NPTXR: variants seen among roughly 807,000 people sequenced by gnomAD.
NPTXR encodes neuronal pentraxin receptor.
In NPTXR, 12 loss-of-function variants were observed where a neutral mutation model predicts 32.2. That is an observed-to-expected ratio of 0.37 (90% CI 0.24 to 0.60). The LOEUF (loss-of-function observed/expected upper bound fraction) is 0.60. Ranked by LOEUF, NPTXR falls within the 20% of genes least tolerant of loss-of-function variation. The probability of loss-of-function intolerance (pLI) is 0.66; values close to 1 mark genes in which losing one functional copy is unlikely to be tolerated. For synonymous variants in NPTXR, 323 were observed against 315.8 expected, an observed-to-expected ratio of 1.02 and a Z score of -0.24; for missense variants, 612 against 682.9, an observed-to-expected ratio of 0.90 and a Z score of 1.16.
chr22:38,841,017 T>G (rs1345054243), intron 1 of NPTXR, among the ~76,000 whole-genome samples: 2 of 152,154 alleles, frequency 1.3e-5, no homozygotes, highest in African/African-American at 2.4e-5. Flanking sequence ...AAGAGCACCT[T>G]CAGTGTATCC....
intron 3 of NPTXR, 64 bp from the exon 4 acceptor site, chr22:38,823,326 C>A (rs1464105006): frequency 6.0e-6 from 9 of 1,510,190 alleles, no homozygotes; most frequent in Non-Finnish European, 7.2e-6. Flanking sequence ...ATGGCTGAGG[C>A]AGTGGGGTGG....
intron 1 of NPTXR, among the ~76,000 whole-genome samples, chr22:38,840,636 T>A (rs890052857): frequency 2.6e-5 from 4 of 152,012 alleles, no homozygotes; most frequent in Non-Finnish European, 5.9e-5. Context: ...AGGGGGCTGA[T>A]GGGACAACCA....
intron 2 of NPTXR, among the ~76,000 whole-genome samples, chr22:38,826,985 G>A (rs905869095): frequency 5.3e-5 from 8 of 152,168 alleles, no homozygotes; most frequent in East Asian, 1.9e-4. Context: ...CCACGTGACC[G>A]TCAACAAATT....
At chr22:38,838,039 T>C (rs538830588) in intron 1 of NPTXR, among the ~76,000 whole-genome samples, 1 of 152,126 alleles carries the variant, frequency 6.6e-6, no homozygotes, top group East Asian at 1.9e-4. Context: ...TATTTTTAAG[T>C]AGAGACAGGG....
In NPTXR at chr22:38,825,905, C is replaced by T. The variant is rs1013976212; in HGVS notation, c.1098+595G>A. Among the ~76,000 whole-genome samples, 3 of 147,574 alleles carry T rather than the reference C, an allele frequency of 2.0e-5. No homozygotes were observed. In the Admixed American group the frequency reaches 2.1e-4, roughly 10 times the overall value. On this transcript the variant is annotated intron_variant, in intron 3 of 4. Transcript: ENST00000333039. ...TCGCCCAGGCTGGAGTGCAGTGGTG[C>T]GATCTTAGCTCACTGCAAGCTCTGC...
intron 2 of NPTXR, 116 bp from the exon 3 acceptor site, chr22:38,826,863 G>GGCACTGGGCA: frequency 8.3e-7 from 1 of 1,204,342 alleles, no homozygotes; most frequent in Non-Finnish European, 1.2e-6. Flanking sequence ...TGCATGCCCA[G>GGCACTGGGCA]TGCCTTCAGG....
At chr22:38,824,311 T>C (rs940847421) in intron 3 of NPTXR, among the ~76,000 whole-genome samples, 17 of 152,042 alleles carry the variant, frequency 1.1e-4, no homozygotes, top group African/African-American at 4.1e-4. Flanking sequence ...CAATTTAATG[T>C]AACATTCTCT....
rs1311718378 is a variant in NPTXR at position 38,828,402 on chromosome 22, C to G, written c.735G>C (p.Gln245His). ...CACGCTCCTTCTCCAGTGCCAGCAC[C>G]TGGGCCAGCAGCTGCCCCTCCAGCT... Residue 245 changes from glutamine to histidine, a missense_variant, in exon 2 of 5, where the codon CAG (glutamine) becomes CAC (histidine). Coordinates refer to ENST00000333039, the MANE Select transcript of NPTXR (RefSeq NM_014293.4). 1 of 1,612,658 alleles carries G rather than the reference C, an allele frequency of 6.2e-7. No homozygotes were observed. The highest frequency in any genetic ancestry group is 1.3e-5 in the African/African-American group (1 of 74,920).
rs1267229254 is a variant in NPTXR at position 38,843,591 on chromosome 22, G to C, written c.268C>G (p.Leu90Val). The change falls in exon 1 of 5, where the codon CTG becomes GTG. Residue 90 changes from leucine (L) to valine (V), a missense_variant. Transcript: ENST00000333039. The surrounding 1 kb of genome is among the most constrained non-coding windows in gnomAD (Gnocchi z 5.3). ...GGCGTGCACAGGAAGCGGCTGAACA[G>C]GGGCCCGGGCGGCAGCGGGTGCGCG... 2 of 1,197,472 alleles carry C rather than the reference G, an allele frequency of 1.7e-6. No homozygotes were observed. The highest frequency in any genetic ancestry group is 2.1e-6 in the Non-Finnish European group (2 of 966,492). The allele number at this position is 1,197,472 out of a possible 1,614,324, so 74.2% of individuals were successfully genotyped here.
Position 38,843,295 on chromosome 22 carries a change from C to A in NPTXR, c.564G>T (p.Ala188=). ...CGGCGTCCTCCAGCTCCAGAATGAG[C>A]GCAGGCGAGTCCCAGGGCCCGTCGG... The change falls in exon 1 of 5, where the codon GCG becomes GCT. Residue 188 remains alanine (A), a synonymous_variant. Coordinates refer to ENST00000333039, the MANE Select transcript of NPTXR (RefSeq NM_014293.4). This position sits in a 1 kb window ranked among gnomAD's most constrained non-coding sequence, Gnocchi z 5.3. 7.0e-7 allele frequency: 1 copy of A among 1,438,792 alleles called. No individual in the cohort carries two copies. 89.1% of individuals were successfully genotyped at this position (1,438,792 alleles called of 1,614,324 possible).
At position 38,823,032 on chromosome 22, in the gene NPTXR, G is replaced by A. The variant is rs766899824; in HGVS notation, c.1278+51C>T. On this transcript the variant is annotated intron_variant, in intron 4 of 4. Transcript: ENST00000333039. ...CTCTGATCTCTCTGGCCCTCAGTCT[G>A]CCCATCTGCACAATTAGGAGGTCCA... 1.2e-5 allele frequency: 19 copies of A among 1,596,574 alleles called. 1 individual carries two copies. The highest frequency in any genetic ancestry group is 1.5e-5 in the Non-Finnish European group (18 of 1,165,674).
intron 1 of NPTXR, among the ~76,000 whole-genome samples, chr22:38,835,521 C>T (rs1419306360): frequency 1.3e-5 from 2 of 152,128 alleles, no homozygotes; most frequent in Non-Finnish European, 2.9e-5. Flanking sequence ...ATGGGGTTGG[C>T]CATGTACCTC....
At chr22:38,838,958 G>A (rs913760386) in intron 1 of NPTXR, among the ~76,000 whole-genome samples, 3 of 152,136 alleles carry the variant, frequency 2.0e-5, no homozygotes, top group African/African-American at 2.4e-5. Flanking sequence ...GATGAAGAAC[G>A]AGGGCTCTAC....
At chr22:38,830,883 A>ACC (rs139991107) in intron 1 of NPTXR, among the ~76,000 whole-genome samples, 4,627 of 148,402 alleles carry the variant, frequency 0.031, 103 homozygotes, top group East Asian at 0.11. Flanking sequence ...ACCATTATCC[A>ACC]CCCCCCCCAC....
intron 1 of NPTXR, among the ~76,000 whole-genome samples, chr22:38,838,395 A>T (rs1299654471): frequency 6.6e-6 from 1 of 151,720 alleles, no homozygotes; most frequent in African/African-American, 2.4e-5. Context: ...AGTGTCTAAT[A>T]AGTGTTAGTT....
rs2093094366 is a variant in NPTXR at position 38,820,119 on chromosome 22, A to C, written c.*2490T>G. The C allele has an allele frequency of 6.6e-6, 1 of 152,612 alleles. No individual in the cohort carries two copies. Among genetic ancestry groups the C allele is most frequent in the Non-Finnish European group, 1.5e-5 (1 of 68,050 alleles). The allele number at this position is 152,612 out of a possible 1,614,324, so 9.5% of individuals were successfully genotyped here. Reference sequence around the variant, plus strand: ...TCAAGCTTGGCGTCACTGAAATTGAAGTTCTGAATTCTGCCGTCACCCCAG... The same window carrying C: ...TCAAGCTTGGCGTCACTGAAATTGACGTTCTGAATTCTGCCGTCACCCCAG... On this transcript the variant is annotated 3_prime_UTR_variant, in exon 5 of 5. Transcript: ENST00000333039.
rs138892990 is a variant in NPTXR, at chr22:38,818,537, TAC to T, written c.*4070_*4071del. 116 of 150,496 alleles carry T rather than the reference TAC, an allele frequency of 7.7e-4. No individual in the cohort carries two copies. The highest frequency in any genetic ancestry group is 2.3e-3 in the South Asian group (11 of 4,756). 9.3% of individuals were successfully genotyped at this position (150,496 alleles called of 1,614,324 possible). A position where few individuals can be genotyped will look rare whatever the true frequency, so the allele number is the denominator to read the frequency against. On this transcript the variant is annotated 3_prime_UTR_variant, in exon 5 of 5. Transcript: ENST00000333039. This position sits in a 1 kb window ranked among gnomAD's most constrained non-coding sequence, Gnocchi z 4.5. ...AACCATGACACAGATCACACACACA[TAC>T]ACACACACACACACGCACACACACG...
intron 1 of NPTXR, among the ~76,000 whole-genome samples, chr22:38,840,564 G>T (rs1478218186): frequency 6.6e-6 from 1 of 152,058 alleles, no homozygotes; most frequent in Non-Finnish European, 1.5e-5. Flanking sequence ...AGAGGGAGGG[G>T]CCAAGGATGG....
intron 1 of NPTXR, among the ~76,000 whole-genome samples, chr22:38,838,342 T>C (rs1187244358): frequency 6.6e-6 from 1 of 152,050 alleles, no homozygotes; most frequent in African/African-American, 2.4e-5. Flanking sequence ...GTTCAGCCTC[T>C]ATCATAGGAC....
Sources: gnomAD v4.1 joint callset for allele counts (sites outside exome capture counted in the v4.1 genomes callset) on GRCh38, gnomAD v4.1.1 for gene constraint, Gnocchi (gnomAD v3.1) non-coding constraint, MANE v1.5 for transcripts, NCBI Gene and HGNC (gene_info 2026-07-23, HGNC 2026-07-21) for gene names.